The following PAEP variants were observed in gnomAD, a reference collection of about 807,000 sequenced individuals.
PAEP encodes progestagen associated endometrial protein.
PAEP carries 28 observed loss-of-function variants against 23.0 expected under a neutral mutation model. The observed-to-expected ratio is 1.22, with a 90% CI of 0.90 to 1.67. PAEP has a LOEUF of 1.67. PAEP is among the 40% of genes most tolerant of loss of function. The pLI is 0.00. For synonymous variants in PAEP, 103 were observed against 92.4 expected (o/e 1.12, Z -0.66); for missense variants, 209 against 226.4 (o/e 0.92, Z 0.49).
intron 4 of PAEP, chr9:135,564,926 C>A (rs1832507470): frequency 1.0e-6 from 1 of 965,494 alleles, no homozygotes; most frequent in African/African-American, 1.8e-5. Context: ...ACTCACTGGG[C>A]GTCCAGTCAA....
At chr9:135,562,576 G>A (rs1832361401) in intron 2 of PAEP, 143 bp downstream of exon 2, 2 of 1,134,428 alleles carry the variant, frequency 1.8e-6, no homozygotes, top group East Asian at 2.4e-5. Flanking sequence ...CCTTCCATGA[G>A]GGTGGGGTGG....
chr9:135,566,175 T>A (rs909837085), intron 6 of PAEP: 2 of 213,066 alleles, frequency 9.4e-6, no homozygotes, highest in Non-Finnish European at 1.9e-5. Context: ...GTTCTTTTTT[T>A]TTTTTCTTTT....
At chr9:135,562,781 A>G (rs1386957008) in intron 2 of PAEP, 39 bp from the exon 3 acceptor site, 2 of 1,548,150 alleles carry the variant, frequency 1.3e-6, no homozygotes, top group Non-Finnish European at 8.9e-7. Context: ...GGCAACTCCA[A>G]TTCAAGTGGC....
At chr9:135,565,698 T>C in intron 5 of PAEP, 87 bp from the exon 6 acceptor site, 2 of 1,525,770 alleles carry the variant, frequency 1.3e-6, no homozygotes, top group Non-Finnish European at 1.8e-6. Context: ...CCACCATCCT[T>C]TCATCCCTTC....
chr9:135,562,233 C>T, intron 1 of PAEP, 61 bp from the exon 2 acceptor site: 1 of 1,585,054 alleles, frequency 6.3e-7, no homozygotes, highest in East Asian at 2.2e-5. Flanking sequence ...GCCCCGTCTG[C>T]ACCGGGTGCA....
intron 2 of PAEP, 102 bp from the exon 3 acceptor site, chr9:135,562,718 C>A (rs564678043): frequency 9.9e-7 from 1 of 1,013,240 alleles, no homozygotes; most frequent in South Asian, 1.4e-5. Flanking sequence ...CTGCGGTGCT[C>A]CTTGGACCCG....
Position 135,561,784 on chromosome 9 carries a change from C to T in PAEP, c.-18C>T. 1 of 1,538,426 alleles carries T rather than the reference C, an allele frequency of 6.5e-7. No individual in the cohort carries two copies. Among genetic ancestry groups the T allele is most frequent in the Non-Finnish European group, 8.8e-7 (1 of 1,136,928 alleles). On this transcript the variant is annotated 5_prime_UTR_variant, in exon 1 of 7. Coordinates refer to ENST00000479141, the MANE Select transcript of PAEP (RefSeq NM_002571.4). The stretch of plus-strand genomic sequence containing the variant: ...ATCCCTCTGGCTCCAGAGCTCAGAG[C>T]CACCCACAGCCGCAGCCATGCTGTG...
chr9:135,563,506 A>ACAGGTGGGCAGGTGGG (rs1227855476), intron 3 of PAEP, among the ~76,000 whole-genome samples: 3 of 29,928 alleles, frequency 1.0e-4, no homozygotes, highest in Admixed American at 3.3e-4. Context: ...GGGTAGGTGA[A>ACAGGTGGGCAGGTGGG]CAGGTGGGCA....
At chr9:135,562,963 C>T (rs1832381541) in intron 3 of PAEP, 70 bp downstream of exon 3, 2 of 1,235,126 alleles carry the variant, frequency 1.6e-6, no homozygotes, top group Non-Finnish European at 2.4e-6. Context: ...AGAGGCGGCT[C>T]TGCTGGGGCA....
chr9:135,565,841 AGCCTC>A, intron 6 of PAEP, 40 bp downstream of exon 6: 1 of 1,612,886 alleles, frequency 6.2e-7, no homozygotes, highest in Non-Finnish European at 8.5e-7. Flanking sequence ...GTAATGTATC[AGCCTC>A]GCCCACTGTC....
At chr9:135,562,707 G>A in intron 2 of PAEP, 113 bp from the exon 3 acceptor site, 1 of 924,874 alleles carries the variant, frequency 1.1e-6, no homozygotes, top group Non-Finnish European at 1.7e-6. Context: ...GCGGCTGCGG[G>A]CTGCGGTGCT....
Position 135,562,304 on chromosome 9 carries a change from C to A in PAEP, c.107C>A (p.Thr36Asn), listed in dbSNP as rs1373115502. 3.1e-6 allele frequency: 5 copies of A among 1,613,736 alleles called. No homozygotes were observed. In the Admixed American group the frequency reaches 8.3e-5, roughly 27 times the overall value. ...QDLELPKLAG[T>N]WHSMAMATNN... ...CCAAGGCCCCCTCAGTTGGCAGGGA[C>A]CTGGCACTCCATGGCCATGGCGACC... is the stretch of plus-strand genomic sequence containing the variant. The change falls in exon 2 of 7, where the codon ACC becomes AAC. Residue 36 changes from threonine (T) to asparagine (N), a missense_variant. Transcript: ENST00000479141.
In PAEP at chr9:135,564,352, T is replaced by C. The variant is rs1424145039; in HGVS notation, c.419T>C (p.Leu140Pro). The change falls in exon 4 of 7, where the codon CTG (leucine) becomes CCG (proline). Residue 140 changes from leucine to proline, a missense_variant and splice_region_variant. Leu to Pro is a moderately conservative substitution (Grantham distance 98, BLOSUM62 -3). Coordinates refer to ENST00000479141, the MANE Select transcript of PAEP (RefSeq NM_002571.4). ...TPIQSMMCQY[L>P]ARVLVEDDEI... is the part of the protein sequence containing the mutation. ...ATCCAGAGCATGATGTGCCAGTACCTGGGTGGGTCTCACAGCACATGAGCT... is the reference window on the plus strand; with the variant it reads ...ATCCAGAGCATGATGTGCCAGTACCCGGGTGGGTCTCACAGCACATGAGCT... 1.2e-5 allele frequency: 18 copies of C among 1,549,948 alleles called. No homozygotes were observed. Among genetic ancestry groups the C allele is most frequent in the Non-Finnish European group, 1.6e-5 (18 of 1,146,982 alleles).
rs912538503 is a variant in PAEP at position 135,562,036 on chromosome 9, C to A, written c.96+139C>A. Reference sequence around the variant, plus strand: ...CCATGACGTCAGGAAGCCCTCAGCCCTGCTCTCCATCTTTAGGGTGGCCTC... The same window carrying A: ...CCATGACGTCAGGAAGCCCTCAGCCATGCTCTCCATCTTTAGGGTGGCCTC... On this transcript the variant is annotated intron_variant, in intron 1 of 6. Transcript: ENST00000479141. The A allele has an allele frequency of 3.8e-6, 3 of 779,434 alleles. No individual in the cohort carries two copies. The East Asian group carries it at 8.1e-5, about 21-fold the overall frequency. The allele number at this position is 779,434 out of a possible 1,614,324, so 48.3% of individuals were successfully genotyped here.
intron 4 of PAEP, 36 bp downstream of exon 4, chr9:135,564,390 G>C (rs770454988): frequency 6.5e-7 from 1 of 1,546,740 alleles, no homozygotes; most frequent in Non-Finnish European, 8.7e-7. Flanking sequence ...ACGTGGGTGA[G>C]AGGCAGCAGC....
At chr9:135,564,379 A>G in intron 4 of PAEP, 25 bp downstream of exon 4, 2 of 1,547,680 alleles carry the variant, frequency 1.3e-6, no homozygotes, top group Non-Finnish European at 8.7e-7. Flanking sequence ...ACATGAGCTC[A>G]ACGTGGGTGA....
Sources: gnomAD v4.1 joint callset for allele counts (sites outside exome capture counted in the v4.1 genomes callset) on GRCh38, gnomAD v4.1.1 for gene constraint, MANE v1.5 for transcripts, NCBI Gene and HGNC (gene_info 2026-07-23, HGNC 2026-07-21) for gene names.